The following CREB5 variants were observed in gnomAD, a reference collection of about 807,000 sequenced individuals.
CREB5 encodes the protein cAMP responsive element binding protein 5.
In CREB5, 19 loss-of-function variants were observed where a neutral mutation model predicts 57.1. The ratio of observed to expected loss-of-function variants is 0.33; its 90% CI spans 0.23 to 0.49. The LOEUF (loss-of-function observed/expected upper bound fraction) is 0.49, where lower values mean the gene tolerates loss of function less well. CREB5 is among the 20% of genes least tolerant of loss of function. CREB5 has a pLI of 0.99. For missense variants in CREB5, 579 were observed against 671.6 expected (o/e 0.86, Z 1.52); for synonymous variants, 238 against 238.3 (o/e 1.00, Z 0.01).
At chr7:28,585,857 G>A (rs529359507) in intron 5 of CREB5, among the ~76,000 whole-genome samples, 22 of 152,210 alleles carry the variant, frequency 1.4e-4, no homozygotes, top group Middle Eastern at 3.4e-3. Flanking sequence ...ACACCTGTGC[G>A]GTCGGAACTA....
At chr7:28,810,995 A>T (rs1354460940) in intron 9 of CREB5, among the ~76,000 whole-genome samples, 1 of 152,228 alleles carries the variant, frequency 6.6e-6, no homozygotes, top group Admixed American at 6.5e-5. Flanking sequence ...ACTGGGAAAC[A>T]TATAGCAGAT....
At position 28,366,004 on chromosome 7, in the gene CREB5, TGTGCCCA is replaced by T. The variant is rs1200217027; in HGVS notation, c.-25+66567_-25+66573del. On this transcript the variant is annotated intron_variant, in intron 1 of 9. Transcript: ENST00000396299. ...AAACTGTTATATGGTTCTTTTTAAATGTGCCCAGTGAAATCTAAACACCATAGAAATT... is the reference window on the plus strand; with the variant it reads ...AAACTGTTATATGGTTCTTTTTAAATGTGAAATCTAAACACCATAGAAATT... Among the ~76,000 whole-genome samples the T allele has an allele frequency of 2.0e-5, 3 of 152,340 alleles. No individual in the cohort carries two copies. The East Asian group carries it at 5.8e-4, about 29-fold the overall frequency.
In CREB5 at chr7:28,444,176, T is replaced by A. The variant is rs1195758820; in HGVS notation, c.3+31259T>A. ...ACCATTAAATGCTTTATAAAGATTT[T>A]GATAGTGTTCATGCTAGTTTGTGGG... On this transcript the variant is annotated intron_variant, in intron 1 of 10. Coordinates refer to ENST00000357727, the MANE Select transcript of CREB5 (RefSeq NM_182898.4). Among the ~76,000 whole-genome samples the A allele has an allele frequency of 2.0e-5, 3 of 152,288 alleles. No individual in the cohort carries two copies. In the East Asian group the frequency reaches 5.8e-4, roughly 29 times the overall value.
chr7:28,813,044 A>C (rs1809219346), intron 9 of CREB5, among the ~76,000 whole-genome samples: 1 of 152,192 alleles, frequency 6.6e-6, no homozygotes, highest in Non-Finnish European at 1.5e-5. Context: ...TCTGCCCAAG[A>C]GGTCAAAAAA....
At chr7:28,792,463 T>C (rs1025545710) in intron 7 of CREB5, among the ~76,000 whole-genome samples, 5 of 152,190 alleles carry the variant, frequency 3.3e-5, no homozygotes, top group African/African-American at 7.2e-5. Context: ...ACCAGTATGA[T>C]TTGGATGCGT....
chr7:28,696,035 G>A (rs1342224535), intron 5 of CREB5, among the ~76,000 whole-genome samples: 1 of 152,196 alleles, frequency 6.6e-6, no homozygotes, highest in Non-Finnish European at 1.5e-5. Context: ...CACAAAGGAC[G>A]CTGGCCTTCT....
chr7:28,429,322 G>A (rs991388203), intron 1 of CREB5, among the ~76,000 whole-genome samples: 6 of 152,236 alleles, frequency 3.9e-5, no homozygotes, highest in African/African-American at 9.6e-5. Flanking sequence ...CACTGTGCCC[G>A]TCCTAAAATA....
chr7:28,528,706 A>AG (rs1161913356), intron 4 of CREB5, among the ~76,000 whole-genome samples: 13 of 93,282 alleles, frequency 1.4e-4, no homozygotes, highest in Non-Finnish European at 1.5e-4. Flanking sequence ...CTCCATCTCA[A>AG]AAAAAAAAAA....
chr7:28,354,545 C>T (rs546458094), intron 1 of CREB5, among the ~76,000 whole-genome samples: 1 of 152,162 alleles, frequency 6.6e-6, no homozygotes, highest in African/African-American at 2.4e-5. Context: ...TAATAAACTC[C>T]CCTCTATATG....
intron 5 of CREB5, among the ~76,000 whole-genome samples, chr7:28,685,663 C>T (rs959927395): frequency 2.0e-5 from 3 of 148,620 alleles, no homozygotes; most frequent in Admixed American, 6.7e-5. Flanking sequence ...ACACAGGGCA[C>T]TCTTTTTTTT....
intron 4 of CREB5, among the ~76,000 whole-genome samples, chr7:28,516,670 C>T (rs996259572): frequency 5.9e-5 from 9 of 152,132 alleles, no homozygotes; most frequent in Admixed American, 4.6e-4. Flanking sequence ...GGAAGCTCCG[C>T]CTTAAGGTCT....
chr7:28,551,479 C>A (rs530050167), intron 4 of CREB5, among the ~76,000 whole-genome samples: 5 of 152,336 alleles, frequency 3.3e-5, no homozygotes, highest in Non-Finnish European at 7.4e-5. Context: ...TCTCAGCCAA[C>A]TGGTGACTAA....
At chr7:28,649,634 A>T (rs989498504) in intron 5 of CREB5, among the ~76,000 whole-genome samples, 1 of 152,192 alleles carries the variant, frequency 6.6e-6, no homozygotes, top group Non-Finnish European at 1.5e-5. Flanking sequence ...AAAGGATAGT[A>T]TTGCCTTTCA....
intron 1 of CREB5, among the ~76,000 whole-genome samples, chr7:28,364,804 C>T (rs1195293995): frequency 6.6e-6 from 1 of 152,228 alleles, no homozygotes; most frequent in East Asian, 1.9e-4. Flanking sequence ...GGCTACCTGT[C>T]ATCTGCTAGA....
At chr7:28,475,655 G>A (rs568782183) in intron 1 of CREB5, among the ~76,000 whole-genome samples, 19 of 152,138 alleles carry the variant, frequency 1.2e-4, no homozygotes, top group Admixed American at 9.2e-4. Context: ...ATGCCTCCAG[G>A]TAAACCTAAA....
chr7:28,586,429 AC>A (rs1796309534), intron 5 of CREB5, among the ~76,000 whole-genome samples: 1 of 152,138 alleles, frequency 6.6e-6, no homozygotes. Flanking sequence ...CCACAGTTCT[AC>A]CCCAGTAAAA....
At chr7:28,509,882 C>T (rs1320028690) in intron 4 of CREB5, among the ~76,000 whole-genome samples, 1 of 152,204 alleles carries the variant, frequency 6.6e-6, no homozygotes, top group African/African-American at 2.4e-5. Context: ...TCTCATGCCT[C>T]AGCCTCACTT....
rs950975797 is a variant in CREB5, at chr7:28,428,386, T to C, written c.3+15469T>C. Among the ~76,000 whole-genome samples, 15 of 152,280 alleles carry C rather than the reference T, an allele frequency of 9.9e-5. No individual in the cohort carries two copies. In the Middle Eastern group the frequency reaches 0.01, roughly 104 times the overall value. On this transcript the variant is annotated intron_variant, in intron 1 of 10. Transcript: ENST00000357727. The stretch of plus-strand genomic sequence containing the variant: ...CCTCCATTGTGGTTGGAGGATCGAC[T>C]GTGTAGGAGCAAGGGTGGCAGCTGG...
At chr7:28,514,938 T>C (rs984222119) in intron 4 of CREB5, among the ~76,000 whole-genome samples, 6 of 149,396 alleles carry the variant, frequency 4.0e-5, no homozygotes, top group Non-Finnish European at 8.9e-5. Context: ...ATCATGATGA[T>C]TGCTAGGGAA....
Sources: allele counts gnomAD v4.1 joint callset (sites outside exome capture counted in the v4.1 genomes callset), GRCh38; gene constraint gnomAD v4.1.1; transcripts MANE v1.5; gene names NCBI Gene and HGNC (gene_info 2026-07-23, HGNC 2026-07-21).